The following C1orf21 variants were observed in gnomAD, a reference collection of about 807,000 sequenced individuals.
C1orf21 encodes the protein chromosome 1 open reading frame 21.
C1orf21 carries 3 observed loss-of-function variants against 18.7 expected under a neutral mutation model. The ratio of observed to expected loss-of-function variants is 0.16; its 90% CI spans 0.07 to 0.42. C1orf21 has a LOEUF of 0.42. Ranked by LOEUF, C1orf21 falls within the 10% of genes least tolerant of loss-of-function variation. The probability of loss-of-function intolerance (pLI) is 0.99; values close to 1 mark genes in which losing one functional copy is unlikely to be tolerated. For synonymous variants in C1orf21, 41 were observed against 46.4 expected (o/e 0.88, Z 0.47); for missense variants, 104 against 143.6 (o/e 0.72, Z 1.41).
chr1:184,588,925 C>T (rs1041267705), intron 3 of C1orf21, among the ~76,000 whole-genome samples: 2 of 152,260 alleles, frequency 1.3e-5, no homozygotes, highest in African/African-American at 4.8e-5. Context: ...GGGCCGGCTT[C>T]TTCTCAGTCC....
chr1:184,620,061 T>C lies in C1orf21; in HGVS notation c.*505T>C, dbSNP rs1316717231. On this transcript the variant is annotated 3_prime_UTR_variant, in exon 6 of 6. Coordinates refer to ENST00000235307, the MANE Select transcript of C1orf21 (RefSeq NM_030806.4). ...CACTGGCAGTGTTGAGCTTTGGAGATGGGATGGTTGCTATGCCAAGCCTTG... is the reference window on the plus strand; with the variant it reads ...CACTGGCAGTGTTGAGCTTTGGAGACGGGATGGTTGCTATGCCAAGCCTTG... 1.3e-5 allele frequency: 2 copies of C among 153,022 alleles called. No homozygotes were observed. The highest frequency in any genetic ancestry group is 1.3e-4 in the Admixed American group (2 of 15,280). 9.5% of individuals were successfully genotyped at this position (153,022 alleles called of 1,614,324 possible).
intron 1 of C1orf21, among the ~76,000 whole-genome samples, chr1:184,388,267 T>G (rs1655918207): frequency 6.6e-6 from 1 of 152,188 alleles, no homozygotes; most frequent in Non-Finnish European, 1.5e-5. Flanking sequence ...TCGGTAAAAT[T>G]TGGGGTGGTC....
intron 1 of C1orf21, among the ~76,000 whole-genome samples, chr1:184,411,777 A>G: frequency 6.6e-6 from 1 of 152,222 alleles, no homozygotes; most frequent in East Asian, 1.9e-4. Context: ...GTTCTGTCAT[A>G]AACTTGAATT....
chr1:184,399,970 G>A (rs937720875), intron 1 of C1orf21, among the ~76,000 whole-genome samples: 17 of 151,816 alleles, frequency 1.1e-4, no homozygotes, highest in African/African-American at 3.9e-4. Context: ...ACCAATATCA[G>A]AAATAATGAG....
chr1:184,471,510 A>G (rs956502943), intron 1 of C1orf21, among the ~76,000 whole-genome samples: 2 of 152,062 alleles, frequency 1.3e-5, no homozygotes, highest in Admixed American at 1.3e-4. Flanking sequence ...GTTGAGGTAG[A>G]TCATAGAGTC....
intron 3 of C1orf21, among the ~76,000 whole-genome samples, chr1:184,510,045 C>A (rs143757461): frequency 6.6e-6 from 1 of 152,134 alleles, no homozygotes; most frequent in Non-Finnish European, 1.5e-5. Context: ...TGATAAGCAC[C>A]ACCTGTAAGA....
rs1021384222 is a variant in C1orf21 at position 184,502,265 on chromosome 1, A to G, written c.95-5323A>G. On this transcript the variant is annotated intron_variant, in intron 2 of 5. Coordinates refer to ENST00000235307, the MANE Select transcript of C1orf21 (RefSeq NM_030806.4). ...GATGAGAGTCCGCTTGTGCCTTCAC[A>G]TGGCAGAAAGTGGAAAGCAAGCAGG... 8.5e-5 allele frequency among the ~76,000 whole-genome samples: 13 copies of G among 152,332 alleles called. No individual in the cohort carries two copies. In the East Asian group the frequency reaches 9.6e-4, roughly 11 times the overall value.
chr1:184,428,986 T>C (rs1056336326), intron 1 of C1orf21, among the ~76,000 whole-genome samples: 1 of 152,102 alleles, frequency 6.6e-6, no homozygotes, highest in East Asian at 1.9e-4. Flanking sequence ...TTGCACAGTT[T>C]TCCCCATCTG....
At chr1:184,454,546 CAGG>C (rs1451370009) in intron 1 of C1orf21, among the ~76,000 whole-genome samples, 3 of 152,084 alleles carry the variant, frequency 2.0e-5, no homozygotes, top group Admixed American at 2.0e-4. Flanking sequence ...TGGGGCCTGG[CAGG>C]AGGTGATTGG....
At chr1:184,446,306 T>G (rs1159743900) in intron 1 of C1orf21, among the ~76,000 whole-genome samples, 2 of 152,146 alleles carry the variant, frequency 1.3e-5, no homozygotes, top group African/African-American at 4.8e-5. Context: ...TATATTTTAT[T>G]TCTATTCCTT....
At chr1:184,490,066 T>C (rs2101955620) in intron 2 of C1orf21, among the ~76,000 whole-genome samples, 1 of 152,348 alleles carries the variant, frequency 6.6e-6, no homozygotes, top group East Asian at 1.9e-4. Flanking sequence ...TCACTGGAAA[T>C]AGCCCCAGGG....
chr1:184,481,534 G>A (rs915788344), intron 2 of C1orf21, among the ~76,000 whole-genome samples: 5 of 152,136 alleles, frequency 3.3e-5, no homozygotes, highest in Non-Finnish European at 5.9e-5. Context: ...AAGGGTATAG[G>A]TGCAGGGAGG....
chr1:184,388,816 G>A (rs1231916623), intron 1 of C1orf21, among the ~76,000 whole-genome samples: 1 of 152,140 alleles, frequency 6.6e-6, no homozygotes, highest in East Asian at 1.9e-4. Context: ...GAGTGGGCCT[G>A]AGCTACTTCA....
chr1:184,391,362 C>CT (rs551546883), intron 1 of C1orf21, among the ~76,000 whole-genome samples: 102 of 152,300 alleles, frequency 6.7e-4, no homozygotes, highest in African/African-American at 2.4e-3. Flanking sequence ...GGAGATGCAG[C>CT]TTCCCCAGTC....
chr1:184,529,616 A>G (rs1658428336), intron 3 of C1orf21, among the ~76,000 whole-genome samples: 11 of 152,234 alleles, frequency 7.2e-5, no homozygotes, highest in Admixed American at 7.2e-4. Context: ...ATGGGATGAC[A>G]AAAGGACCCA....
intron 1 of C1orf21, among the ~76,000 whole-genome samples, chr1:184,410,213 T>C (rs1656310119): frequency 6.6e-6 from 1 of 152,212 alleles, no homozygotes; most frequent in South Asian, 2.1e-4. Context: ...CTGATAATTA[T>C]ATCTGTGTCT....
intron 1 of C1orf21, among the ~76,000 whole-genome samples, chr1:184,451,477 T>TC (rs1465451111): frequency 6.8e-6 from 1 of 147,952 alleles, no homozygotes; most frequent in Admixed American, 6.7e-5. Context: ...TTTTTTTTTT[T>TC]TTTTTTTTGG....
chr1:184,438,837 G>T (rs1656900592), intron 1 of C1orf21, among the ~76,000 whole-genome samples: 1 of 152,134 alleles, frequency 6.6e-6, no homozygotes, highest in Admixed American at 6.5e-5. Context: ...TTCAGTGGGA[G>T]GTGACCACAG....
intron 1 of C1orf21, among the ~76,000 whole-genome samples, chr1:184,450,983 T>G (rs1420063557): frequency 1.3e-5 from 2 of 152,182 alleles, no homozygotes; most frequent in Non-Finnish European, 2.9e-5. Flanking sequence ...GTTCAAGCGA[T>G]TCTCCAACCT....
Sources: allele counts gnomAD v4.1 joint callset (sites outside exome capture counted in the v4.1 genomes callset), GRCh38; gene constraint gnomAD v4.1.1; transcripts MANE v1.5; gene names NCBI Gene and HGNC (gene_info 2026-07-23, HGNC 2026-07-21).